SCML4: variants seen among roughly 807,000 people sequenced by gnomAD.
SCML4 encodes Scm polycomb group protein like 4.
Under a neutral mutation model 41.1 loss-of-function variants are expected in SCML4, and 34 were observed. The observed-to-expected ratio is 0.83, with a 90% CI of 0.63 to 1.10. The LOEUF (loss-of-function observed/expected upper bound fraction) is 1.10, where lower values mean the gene tolerates loss of function less well. SCML4 is among the 50% of genes least tolerant of loss of function. SCML4 has a pLI of 0.00. For synonymous variants in SCML4, 214 were observed against 220.9 expected (o/e 0.97, Z 0.28); for missense variants, 522 against 534.1 (o/e 0.98, Z 0.22).
At chr6:107,755,384 C>A (rs1161061511) in intron 2 of SCML4, among the ~76,000 whole-genome samples, 1 of 152,014 alleles carries the variant, frequency 6.6e-6, no homozygotes, top group Admixed American at 6.6e-5. Flanking sequence ...GTAGAAATAC[C>A]CTTTTGACTT....
intron 5 of SCML4, among the ~76,000 whole-genome samples, chr6:107,731,322 T>A (rs1026836186): frequency 1.3e-5 from 2 of 152,254 alleles, no homozygotes; most frequent in African/African-American, 2.4e-5. Flanking sequence ...ACTGGCATTT[T>A]ACCTGGATTC....
chr6:107,736,865 C>T (rs1055023181), intron 5 of SCML4, among the ~76,000 whole-genome samples: 3 of 152,188 alleles, frequency 2.0e-5, no homozygotes, highest in Non-Finnish European at 4.4e-5. Context: ...AAACAGTAAG[C>T]CTCAAGAATA....
rs1407939237 is a variant in SCML4 at position 107,824,130 on chromosome 6, A to C, written c.-64T>G. ...CCAATTGTGCATCTCCCTTACCTAC[A>C]GCTTGTTCACCAGAGCCCTGAGCAG... is the stretch of plus-strand genomic sequence containing the variant. On this transcript the variant is annotated 5_prime_UTR_variant, in exon 1 of 8. Transcript: ENST00000369020. 1 of 152,206 alleles carries C rather than the reference A, an allele frequency of 6.6e-6. No individual in the cohort carries two copies. The highest frequency in any genetic ancestry group is 6.5e-5 in the Admixed American group (1 of 15,280). The allele number at this position is 152,206 out of a possible 1,614,324, so 9.4% of individuals were successfully genotyped here.
the SCML4 span, among the ~76,000 whole-genome samples, chr6:107,838,953 A>G: frequency 2.8e-5 from 2 of 70,462 alleles, no homozygotes; most frequent in Non-Finnish European, 3.7e-5. Context: ...TTAACAAACT[A>G]TGTCCACAAC....
At chr6:107,765,466 T>C (rs906834892) in intron 2 of SCML4, among the ~76,000 whole-genome samples, 11 of 152,082 alleles carry the variant, frequency 7.2e-5, no homozygotes, top group Non-Finnish European at 1.6e-4. Context: ...GATTGCGCCA[T>C]TGCACTCCAG....
At chr6:107,740,035 G>A (rs1341682322) in intron 5 of SCML4, 1 of 441,048 alleles carries the variant, frequency 2.3e-6, no homozygotes, top group Non-Finnish European at 4.6e-6. Flanking sequence ...AAGTAGTTAT[G>A]AGCTAGGAAA....
intron 2 of SCML4, among the ~76,000 whole-genome samples, chr6:107,763,106 C>T (rs534249130): frequency 1.7e-4 from 26 of 152,114 alleles, no homozygotes; most frequent in Admixed American, 4.6e-4. Flanking sequence ...TGGTCTCGAA[C>T]TCTTAGGCTC....
At chr6:107,724,781 G>A (rs1179728549) in intron 5 of SCML4, among the ~76,000 whole-genome samples, 1 of 152,102 alleles carries the variant, frequency 6.6e-6, no homozygotes, top group Non-Finnish European at 1.5e-5. Flanking sequence ...GCTAATTCCA[G>A]AACTCATATG....
At chr6:107,793,009 A>C (rs1782453042) in intron 1 of SCML4, among the ~76,000 whole-genome samples, 1 of 152,204 alleles carries the variant, frequency 6.6e-6, no homozygotes. Flanking sequence ...AAAAGGAGGA[A>C]GGAGAAAGGC....
At chr6:107,749,351 C>T (rs1436767396) in intron 3 of SCML4, among the ~76,000 whole-genome samples, 1 of 152,028 alleles carries the variant, frequency 6.6e-6, no homozygotes, top group African/African-American at 2.4e-5. Context: ...GGTGAGCAGG[C>T]TTAGATCAGT....
intron 5 of SCML4, among the ~76,000 whole-genome samples, chr6:107,738,657 C>T (rs1777308606): frequency 6.6e-6 from 1 of 152,002 alleles, no homozygotes; most frequent in Non-Finnish European, 1.5e-5. Flanking sequence ...TTTCAAAAGT[C>T]TGAGGAAGAG....
chr6:107,736,901 CT>C (rs1267248320), intron 5 of SCML4, among the ~76,000 whole-genome samples: 1 of 152,228 alleles, frequency 6.6e-6, no homozygotes, highest in East Asian at 1.9e-4. Flanking sequence ...CTTCCACCCC[CT>C]GCCATCTGTA....
intron 2 of SCML4, among the ~76,000 whole-genome samples, chr6:107,750,200 C>G (rs575072000): frequency 1.2e-4 from 18 of 152,326 alleles, no homozygotes; most frequent in African/African-American, 3.8e-4. Context: ...TGTATCCACC[C>G]AACCAGAGAC....
chr6:107,787,198 G>T (rs1781963668), intron 1 of SCML4, among the ~76,000 whole-genome samples: 1 of 152,202 alleles, frequency 6.6e-6, no homozygotes. Flanking sequence ...CAACATGAAA[G>T]CTTGGATGGT....
chr6:107,826,917 G>A (rs1278284850), upstream of SCML4, among the ~76,000 whole-genome samples: 1 of 151,702 alleles, frequency 6.6e-6, no homozygotes, highest in African/African-American at 2.4e-5. Context: ...CAAAAAATTA[G>A]CTGGGAGTGG....
chr6:107,736,504 C>CTG (rs1777081548), intron 5 of SCML4, among the ~76,000 whole-genome samples: 1 of 152,178 alleles, frequency 6.6e-6, no homozygotes, highest in Non-Finnish European at 1.5e-5. Flanking sequence ...TGCTATCTTG[C>CTG]TGTGTGTGTG....
chr6:107,812,533 A>G (rs1784231592), intron 1 of SCML4, among the ~76,000 whole-genome samples: 1 of 145,852 alleles, frequency 6.9e-6, no homozygotes, highest in Admixed American at 7.0e-5. Flanking sequence ...TTTGGAAGAG[A>G]TTAATATTTG....
intron 6 of SCML4, among the ~76,000 whole-genome samples, chr6:107,714,908 C>T (rs1728134): frequency 0.75 from 109,571 of 146,678 alleles, 41,163 homozygotes; most frequent in Admixed American, 0.81. Context: ...CAGAGCAAAG[C>T]CCCATCTGCT....
At chr6:107,820,797 T>G (rs954021521) in intron 1 of SCML4, among the ~76,000 whole-genome samples, 3 of 152,146 alleles carry the variant, frequency 2.0e-5, no homozygotes, top group Non-Finnish European at 4.4e-5. Context: ...TACAGCAGAC[T>G]GGAGCACTGC....
Sources: allele counts gnomAD v4.1 joint callset (sites outside exome capture counted in the v4.1 genomes callset), GRCh38; gene constraint gnomAD v4.1.1; transcripts MANE v1.5; gene names NCBI Gene and HGNC (gene_info 2026-07-23, HGNC 2026-07-21).